Variants in ARHGAP42 observed in about 807,000 individuals in gnomAD.
ARHGAP42 encodes Rho GTPase activating protein 42, also known as rho GTPase-activating protein 42.
ARHGAP42 carries 63 observed loss-of-function variants against 125.0 expected under a neutral mutation model. That is an observed-to-expected ratio of 0.50 (90% CI 0.41 to 0.62). ARHGAP42 has a LOEUF of 0.62. ARHGAP42 is among the 20% of genes least tolerant of loss of function. The probability of loss-of-function intolerance (pLI) is 0.00; values close to 1 mark genes in which losing one functional copy is unlikely to be tolerated. For synonymous variants in ARHGAP42, 339 were observed against 351.0 expected, an observed-to-expected ratio of 0.97 and a Z score of 0.38; for missense variants, 766 against 1,024.2, an observed-to-expected ratio of 0.75 and a Z score of 3.44.
At chr11:100,751,372 T>A (rs1862452988) in intron 1 of ARHGAP42, among the ~76,000 whole-genome samples, 1 of 143,752 alleles carries the variant, frequency 7.0e-6, no homozygotes, top group Non-Finnish European at 1.5e-5. Flanking sequence ...AGCCTCCACC[T>A]CCTGGGTTCA....
At chr11:100,730,639 AT>A (rs1203475198) in intron 1 of ARHGAP42, among the ~76,000 whole-genome samples, 1 of 152,240 alleles carries the variant, frequency 6.6e-6, no homozygotes, top group African/African-American at 2.4e-5. Context: ...CAAAATTTTA[AT>A]TGCATTTTTT....
chr11:100,763,101 T>G (rs938877228), intron 1 of ARHGAP42, among the ~76,000 whole-genome samples: 1 of 146,944 alleles, frequency 6.8e-6, no homozygotes, highest in African/African-American at 2.5e-5. Context: ...TGCCTCAGCC[T>G]CCCGAGTATC....
chr11:100,751,277 G>GTTTTTT (rs756243174), intron 1 of ARHGAP42, among the ~76,000 whole-genome samples: 20 of 121,670 alleles, frequency 1.6e-4, no homozygotes, highest in African/African-American at 5.4e-4. Context: ...GTGTGTGTGT[G>GTTTTTT]TGTTTTTTTT....
chr11:100,698,197 TG>T (rs1565532330), intron 1 of ARHGAP42, among the ~76,000 whole-genome samples: 1 of 152,142 alleles, frequency 6.6e-6, no homozygotes, highest in East Asian at 1.9e-4. Flanking sequence ...AGCCTTCAAC[TG>T]TTTTAAAAGT....
chr11:100,867,962 G>C (rs1303972029), intron 4 of ARHGAP42, among the ~76,000 whole-genome samples: 1 of 152,208 alleles, frequency 6.6e-6, no homozygotes, highest in East Asian at 1.9e-4. Flanking sequence ...TAGCAAAGCA[G>C]GCAGAACACA....
chr11:100,697,978 C>G (rs984100634), intron 1 of ARHGAP42, among the ~76,000 whole-genome samples: 2 of 152,164 alleles, frequency 1.3e-5, no homozygotes, highest in Admixed American at 6.5e-5. Context: ...AAAAGTTACT[C>G]TGTAATACTA....
At chr11:100,899,722 G>GTTTTTTTTTTTTTTTTTTTTTT (rs767815247) in intron 4 of ARHGAP42, among the ~76,000 whole-genome samples, 1 of 67,230 alleles carries the variant, frequency 1.5e-5, no homozygotes, top group Non-Finnish European at 2.9e-5. Flanking sequence ...TTTGTGTTTT[G>GTTTTTTTTTTTTTTTTTTTTTT]TTTTTTTTTT....
At chr11:100,739,689 T>C (rs914406971) in intron 1 of ARHGAP42, among the ~76,000 whole-genome samples, 1 of 151,704 alleles carries the variant, frequency 6.6e-6, no homozygotes, top group Non-Finnish European at 1.5e-5. Context: ...AATAAGCCCC[T>C]CTTTTCTTGT....
At chr11:100,982,777 T>C (rs1029913551) in intron 22 of ARHGAP42, among the ~76,000 whole-genome samples, 3 of 152,174 alleles carry the variant, frequency 2.0e-5, no homozygotes, top group Non-Finnish European at 4.4e-5. Flanking sequence ...TATCAAATTT[T>C]AAAAGACAAA....
chr11:100,689,199 G>A (rs569553876), intron 1 of ARHGAP42, among the ~76,000 whole-genome samples: 2 of 152,208 alleles, frequency 1.3e-5, no homozygotes, highest in African/African-American at 2.4e-5. Flanking sequence ...TACTAATAAT[G>A]GTATTTACTG....
At chr11:100,962,564 T>C in intron 16 of ARHGAP42, 97 bp downstream of exon 16, 1 of 1,147,396 alleles carries the variant, frequency 8.7e-7, no homozygotes. Context: ...GAAGATTTTT[T>C]TCAAGTATTG....
intron 8 of ARHGAP42, among the ~76,000 whole-genome samples, chr11:100,937,836 G>A (rs984159522): frequency 6.6e-6 from 1 of 152,060 alleles, no homozygotes; most frequent in Non-Finnish European, 1.5e-5. Flanking sequence ...GCACCCACTG[G>A]TTGGAACCAT....
chr11:100,910,725 G>C (rs1420617236), intron 4 of ARHGAP42, among the ~76,000 whole-genome samples: 4 of 144,776 alleles, frequency 2.8e-5, no homozygotes, highest in Non-Finnish European at 4.7e-5. Flanking sequence ...AGTGCTTTTT[G>C]TTTTCTAGAG....
chr11:100,898,103 G>C (rs1049234446), intron 4 of ARHGAP42, among the ~76,000 whole-genome samples: 1 of 152,034 alleles, frequency 6.6e-6, no homozygotes, highest in Non-Finnish European at 1.5e-5. Flanking sequence ...GATAATCATG[G>C]GGTTTTTGTG....
chr11:100,792,400 G>A (rs1282687843), intron 2 of ARHGAP42, among the ~76,000 whole-genome samples: 1 of 152,108 alleles, frequency 6.6e-6, no homozygotes, highest in Non-Finnish European at 1.5e-5. Context: ...TATCTTGCCA[G>A]TCCCCACTAC....
chr11:100,817,967 A>G (rs1864308922), intron 3 of ARHGAP42, among the ~76,000 whole-genome samples: 1 of 152,206 alleles, frequency 6.6e-6, no homozygotes, highest in Non-Finnish European at 1.5e-5. Context: ...CAAGTCAAGG[A>G]CTTTTATTTC....
Position 100,961,257 on chromosome 11 carries a change from G to T in ARHGAP42, c.1300+268G>T, listed in dbSNP as rs556441001. Among the ~76,000 whole-genome samples, 17 of 152,126 alleles carry T rather than the reference G, an allele frequency of 1.1e-4. No individual in the cohort carries two copies. In the Middle Eastern group the frequency reaches 0.01, roughly 91 times the overall value. The stretch of plus-strand genomic sequence containing the variant: ...CATGGATGCTAGCTGGAGTCATTTG[G>T]AATCCTAGCTCAGCCACTTACAGGT... On this transcript the variant is annotated intron_variant, in intron 14 of 23. Transcript: ENST00000298815.
chr11:100,768,355 G>C (rs1158004284), intron 1 of ARHGAP42, among the ~76,000 whole-genome samples: 1 of 152,092 alleles, frequency 6.6e-6, no homozygotes, highest in Non-Finnish European at 1.5e-5. Context: ...GAAGAAAGGT[G>C]GGGGATGAGG....
intron 3 of ARHGAP42, among the ~76,000 whole-genome samples, chr11:100,855,736 C>A (rs1591241361): frequency 6.6e-6 from 1 of 151,982 alleles, no homozygotes; most frequent in Admixed American, 6.6e-5. Context: ...ACTTAAATAA[C>A]CTACCCACAG....
Sources: allele counts gnomAD v4.1 joint callset (sites outside exome capture counted in the v4.1 genomes callset), GRCh38; gene constraint gnomAD v4.1.1; transcripts MANE v1.5; gene names NCBI Gene and HGNC (gene_info 2026-07-23, HGNC 2026-07-21).